C9orf43: variants seen among roughly 807,000 people sequenced by gnomAD.
The protein encoded by C9orf43 is uncharacterized protein C9orf43.
In C9orf43, 45 loss-of-function variants were observed where a neutral mutation model predicts 59.1. The observed-to-expected ratio is 0.76, with a 90% confidence interval of 0.60 to 0.98. The LOEUF (loss-of-function observed/expected upper bound fraction) is 0.98. Ranked by LOEUF, C9orf43 falls within the 50% of genes least tolerant of loss-of-function variation. The pLI is 0.00. For missense variants in C9orf43, 533 were observed against 554.9 expected, an observed-to-expected ratio of 0.96 and a Z score of 0.40; for synonymous variants, 203 against 196.8, an observed-to-expected ratio of 1.03 and a Z score of -0.26.
chr9:113,418,164 A>G (rs1005695806), intron 3 of C9orf43, among the ~76,000 whole-genome samples: 4 of 152,190 alleles, frequency 2.6e-5, no homozygotes, highest in Non-Finnish European at 5.9e-5. Flanking sequence ...AGCACTATCC[A>G]TTTCCAGAAT....
chr9:113,416,027 T>C (rs961220139), intron 3 of C9orf43, among the ~76,000 whole-genome samples: 18 of 152,304 alleles, frequency 1.2e-4, no homozygotes, highest in African/African-American at 4.3e-4. Context: ...ATGCCCGCCA[T>C]GTATAGCGCA....
chr9:113,418,679 A>C (rs1266506679), intron 3 of C9orf43, among the ~76,000 whole-genome samples: 1 of 152,214 alleles, frequency 6.6e-6, no homozygotes, highest in African/African-American at 2.4e-5. Context: ...GACTGTGGGT[A>C]AGTGAAACCA....
chr9:113,414,644 A>T (rs1169458871), intron 3 of C9orf43, among the ~76,000 whole-genome samples: 1 of 152,010 alleles, frequency 6.6e-6, no homozygotes, highest in Non-Finnish European at 1.5e-5. Flanking sequence ...ATTTCTTCTT[A>T]CAAGGACACC....
intron 3 of C9orf43, among the ~76,000 whole-genome samples, chr9:113,417,104 G>C (rs928966903): frequency 6.6e-6 from 1 of 152,170 alleles, no homozygotes; most frequent in African/African-American, 2.4e-5. Context: ...GAGAATGTCA[G>C]TCCCTACAAG....
intron 4 of C9orf43, 59 bp downstream of exon 4, chr9:113,419,224 A>AGGCAGAATAGTTTATTTC: frequency 7.8e-7 from 1 of 1,286,986 alleles, no homozygotes; most frequent in Non-Finnish European, 1.1e-6. Flanking sequence ...GTGGAAATAA[A>AGGCAGAATAGTTTATTTC]CTATTCTGCC....
At chr9:113,425,244 C>G (rs1275602633) in intron 9 of C9orf43, 100 bp from the exon 10 acceptor site, 4 of 1,568,948 alleles carry the variant, frequency 2.5e-6, no homozygotes, top group Non-Finnish European at 3.5e-6. Flanking sequence ...TGGCTTGGTC[C>G]TTACCAGGGA....
chr9:113,413,599 C>A lies in C9orf43; in HGVS notation c.106C>A (p.Pro36Thr). 1 of 1,614,228 alleles carries A rather than the reference C, an allele frequency of 6.2e-7. No homozygotes were observed. Among genetic ancestry groups the A allele is most frequent in the Non-Finnish European group, 8.5e-7 (1 of 1,180,034 alleles). Residue 36 changes from proline (P) to threonine (T), a missense_variant, in exon 2 of 14, where the codon CCT becomes ACT. Pro to Thr is a conservative substitution (Grantham distance 38, BLOSUM62 -1). Transcript: ENST00000374165. ...ATIRRIERGHPRILGSSCKTP... is the reference protein window; with the variant it reads ...ATIRRIERGHTRILGSSCKTP... ...TATCCGCCGCATTGAGAGGGGCCAT[C>A]CTCGAATCCTCGGCTCATCCTGCAA...
At chr9:113,428,106 T>C in intron 11 of C9orf43, 41 bp from the exon 12 acceptor site, 2 of 1,603,326 alleles carry the variant, frequency 1.2e-6, no homozygotes, top group Non-Finnish European at 1.7e-6. Context: ...GGGTATGATA[T>C]GGTAATAAGA....
chr9:113,423,025 T>A (rs527437017), intron 6 of C9orf43, among the ~76,000 whole-genome samples: 1 of 152,314 alleles, frequency 6.6e-6, no homozygotes, highest in South Asian at 2.1e-4. Flanking sequence ...CATTGCTGAA[T>A]CCCCATCCCT....
chr9:113,419,398 C>T (rs545620296), intron 4 of C9orf43, among the ~76,000 whole-genome samples: 68 of 152,126 alleles, frequency 4.5e-4, no homozygotes, highest in Middle Eastern at 6.8e-3. Context: ...ATGGGTTTGG[C>T]GTAGGTGAGA....
intron 11 of C9orf43, among the ~76,000 whole-genome samples, chr9:113,427,934 G>A (rs1031295733): frequency 3.9e-5 from 6 of 152,174 alleles, no homozygotes; most frequent in African/African-American, 9.7e-5. Context: ...ACACTTGAGC[G>A]TAATCTCTAA....
rs41338046 is a variant in C9orf43 at position 113,422,082 on chromosome 9, G to A, written c.447-467G>A. Among the ~76,000 whole-genome samples, 441 of 152,190 alleles carry A rather than the reference G, an allele frequency of 2.9e-3. 1 individual carries two copies. The highest frequency in any genetic ancestry group is 9.9e-3 in the African/African-American group (413 of 41,508). ...CTAGAGATCCAGCTATCATATCCAC[G>A]TCCCAGGCAAGGAGGAAGAGGTCAG... On this transcript the variant is annotated intron_variant, in intron 5 of 13. Transcript: ENST00000374165.
At chr9:113,426,843 A>C (rs1828809658) in intron 11 of C9orf43, among the ~76,000 whole-genome samples, 3 of 152,220 alleles carry the variant, frequency 2.0e-5, no homozygotes. Flanking sequence ...TTCATAGAGC[A>C]GTGGCCTGTC....
chr9:113,417,455 T>A (rs189468588), intron 3 of C9orf43, among the ~76,000 whole-genome samples: 1 of 152,352 alleles, frequency 6.6e-6, no homozygotes, highest in East Asian at 1.9e-4. Flanking sequence ...AATGCTGGGA[T>A]ACAATAGTAA....
In C9orf43 at chr9:113,413,499, C is replaced by T. The variant is rs1828246812; in HGVS notation, c.6C>T (p.Asp2=). Residue 2 remains aspartate (D), a synonymous_variant, in exon 2 of 14, where the codon GAC becomes GAT. Transcript: ENST00000374165. M[D]LPDESQWDET... ...GGCCTAAACCATTTCTAGCTATGGA[C>T]TTGCCAGATGAGAGCCAGTGGGACG... 1.2e-6 allele frequency: 2 copies of T among 1,612,276 alleles called. No homozygotes were observed. The highest frequency in any genetic ancestry group is 8.5e-7 in the Non-Finnish European group (1 of 1,178,440).
At chr9:113,426,998 G>T (rs2119107789) in intron 11 of C9orf43, among the ~76,000 whole-genome samples, 1 of 152,296 alleles carries the variant, frequency 6.6e-6, no homozygotes, top group South Asian at 2.1e-4. Flanking sequence ...AGCTGCTCAG[G>T]AAACACTGAG....
In C9orf43 at chr9:113,413,751, C is replaced by T. The variant is rs776757791; in HGVS notation, c.152-8C>T. ...GTTAACATGTTTTCTTCTGGTCTGC[C>T]TTCTTAGATAAACTCCCAGTGCTCA... is the stretch of plus-strand genomic sequence containing the variant. On this transcript the variant is annotated splice_region_variant and splice_polypyrimidine_tract_variant and intron_variant, in intron 2 of 13. Coordinates refer to ENST00000374165, the MANE Select transcript of C9orf43 (RefSeq NM_001278629.2). 29 of 1,613,406 alleles carry T rather than the reference C, an allele frequency of 1.8e-5. No homozygotes were observed. The highest frequency in any genetic ancestry group is 2.4e-5 in the Non-Finnish European group (28 of 1,179,774).
At chr9:113,420,529 T>A (rs563074163) in intron 4 of C9orf43, among the ~76,000 whole-genome samples, 22 of 152,346 alleles carry the variant, frequency 1.4e-4, no homozygotes, top group Middle Eastern at 6.8e-3. Flanking sequence ...ACAACCTTAT[T>A]TTGAATAGTT....
At position 113,423,288 on chromosome 9, in the gene C9orf43, A is replaced by G. The variant is rs759507795; in HGVS notation, c.484-38A>G. 5 of 1,602,088 alleles carry G rather than the reference A, an allele frequency of 3.1e-6. No individual in the cohort carries two copies. The South Asian group carries it at 5.5e-5, about 18-fold the overall frequency. ...TGATGGAAAGGACTAGGCTAAAAAG[A>G]ATGCTTTGGAGAATTCTTTCCATTG... On this transcript the variant is annotated intron_variant, in intron 6 of 13. Coordinates refer to ENST00000374165, the MANE Select transcript of C9orf43 (RefSeq NM_001278629.2).
Sources: allele counts gnomAD v4.1 joint callset (sites outside exome capture counted in the v4.1 genomes callset), GRCh38; gene constraint gnomAD v4.1.1; transcripts MANE v1.5; gene names NCBI Gene and HGNC (gene_info 2026-07-23, HGNC 2026-07-21).